The following ZCWPW2 variants were observed in gnomAD, a reference collection of about 807,000 sequenced individuals.
ZCWPW2 encodes the protein zinc finger CW-type PWWP domain protein 2.
ZCWPW2 carries 45 observed loss-of-function variants against 46.6 expected under a neutral mutation model. That is an observed-to-expected ratio of 0.96 (90% confidence interval 0.76 to 1.24). The LOEUF (loss-of-function observed/expected upper bound fraction) is 1.24. Among genes scored for constraint, ZCWPW2 ranks in the 50% most tolerant of loss-of-function variants. ZCWPW2 has a pLI of 0.00. For missense variants in ZCWPW2, 429 were observed against 403.9 expected, an observed-to-expected ratio of 1.06 and a Z score of -0.53; for synonymous variants, 152 against 137.1, an observed-to-expected ratio of 1.11 and a Z score of -0.76.
intron 4 of ZCWPW2, among the ~76,000 whole-genome samples, chr3:28,443,685 C>T (rs1196075118): frequency 6.6e-6 from 1 of 152,208 alleles, no homozygotes; most frequent in South Asian, 2.1e-4. Context: ...GCCTCTGCCA[C>T]CTTGGGATCC....
chr3:28,404,270 C>T (rs756555576), intron 2 of ZCWPW2, among the ~76,000 whole-genome samples: 9 of 151,444 alleles, frequency 5.9e-5, no homozygotes, highest in East Asian at 5.8e-4. Flanking sequence ...AACAAACATA[C>T]GAAAAAATGC....
At chr3:28,474,586 C>CGTGTGT (rs71087699) in intron 4 of ZCWPW2, among the ~76,000 whole-genome samples, 9,313 of 135,996 alleles carry the variant, frequency 0.068, 331 homozygotes, top group African/African-American at 0.082. Flanking sequence ...TTAAATACAG[C>CGTGTGT]GTGTGTGTGT....
At chr3:28,506,353 C>T (rs949125286) in intron 6 of ZCWPW2, among the ~76,000 whole-genome samples, 2 of 151,900 alleles carry the variant, frequency 1.3e-5, no homozygotes, top group Non-Finnish European at 2.9e-5. Flanking sequence ...CCCAGAGTAT[C>T]TGATTCAGTA....
At chr3:28,424,236 C>T (rs974859604) in intron 3 of ZCWPW2, among the ~76,000 whole-genome samples, 1 of 148,620 alleles carries the variant, frequency 6.7e-6, no homozygotes, top group Non-Finnish European at 1.5e-5. Flanking sequence ...CCAACACACA[C>T]ACACACACAC....
intron 2 of ZCWPW2, among the ~76,000 whole-genome samples, chr3:28,411,047 C>A (rs1446190293): frequency 6.6e-6 from 1 of 151,650 alleles, no homozygotes; most frequent in Non-Finnish European, 1.5e-5. Flanking sequence ...ATTTTATAAT[C>A]TTGATATGAA....
At chr3:28,482,987 C>T (rs566514098) in intron 5 of ZCWPW2, among the ~76,000 whole-genome samples, 32 of 152,272 alleles carry the variant, frequency 2.1e-4, no homozygotes, top group Non-Finnish European at 2.9e-4. Flanking sequence ...GCAGAGCAGA[C>T]ATTTTAAATT....
chr3:28,519,354 A>C (rs1291951541), intron 8 of ZCWPW2, among the ~76,000 whole-genome samples: 1 of 152,222 alleles, frequency 6.6e-6, no homozygotes, highest in Non-Finnish European at 1.5e-5. Context: ...GTAGGTAAAC[A>C]GTAAATATTT....
rs966868164 is a variant in ZCWPW2, at chr3:28,348,974, T to G, written c.-363T>G. ...AAAGTGATTGGAAGTGTGGATGAGC[T>G]CTCAGCCGGAAAAGGGGCTGCCGCT... is the stretch of plus-strand genomic sequence containing the variant. On this transcript the variant is annotated 5_prime_UTR_variant, in exon 1 of 10. Transcript: ENST00000383768. 4.1e-6 allele frequency: 4 copies of G among 985,446 alleles called. No individual in the cohort carries two copies. The Admixed American group carries it at 1.8e-4, about 45-fold the overall frequency. 61.0% of individuals were successfully genotyped at this position (985,446 alleles called of 1,614,324 possible). A position where few individuals can be genotyped will look rare whatever the true frequency, so the allele number is the denominator to read the frequency against.
intron 3 of ZCWPW2, among the ~76,000 whole-genome samples, chr3:28,431,363 C>G (rs908002583): frequency 6.6e-6 from 1 of 152,040 alleles, no homozygotes; most frequent in Non-Finnish European, 1.5e-5. Context: ...GTTCTGGAGG[C>G]TAGAAATCCT....
intron 6 of ZCWPW2, among the ~76,000 whole-genome samples, chr3:28,495,370 A>C (rs150350748): frequency 6.6e-6 from 1 of 152,102 alleles, no homozygotes; most frequent in Admixed American, 6.6e-5. Context: ...CAGTATTGTT[A>C]ATGTGGATAG....
At position 28,432,560 on chromosome 3, in the gene ZCWPW2, C is replaced by T. The variant is rs147791640; in HGVS notation, c.333-2550C>T. ...TTCCCTTCCTGCTTTATTCTCTGAA[C>T]AGTAGGTCAGAGTGTAGAATGATTG... is the stretch of plus-strand genomic sequence containing the variant. On this transcript the variant is annotated intron_variant, in intron 3 of 9. Coordinates refer to ENST00000383768, the MANE Select transcript of ZCWPW2 (RefSeq NM_001040432.4). Among the ~76,000 whole-genome samples the T allele has an allele frequency of 8.2e-3, 1,246 of 152,212 alleles. 8 individuals carry two copies. Among genetic ancestry groups the T allele is most frequent in the Non-Finnish European group, 0.012 (785 of 68,006 alleles).
At position 28,478,812 on chromosome 3, in the gene ZCWPW2, A is replaced by G; in HGVS notation, c.493-2A>G. 2.0e-6 allele frequency: 3 copies of G among 1,498,758 alleles called. No individual in the cohort carries two copies. The highest frequency in any genetic ancestry group is 1.9e-4 in the Middle Eastern group (1 of 5,262). 92.8% of individuals were successfully genotyped at this position (1,498,758 alleles called of 1,614,324 possible). A position where few individuals can be genotyped will look rare whatever the true frequency, so the allele number is the denominator to read the frequency against. On this transcript the variant is annotated splice_acceptor_variant, in intron 4 of 9. Transcript: ENST00000383768. LOFTEE classifies it high-confidence loss of function. ...TTTTTTCTTTTTTCTGTATTTATAT[A>G]GCCAGAAAAGTGTAAGAATAAAAAG...
At chr3:28,432,130 T>A (rs898706531) in intron 3 of ZCWPW2, among the ~76,000 whole-genome samples, 2 of 152,124 alleles carry the variant, frequency 1.3e-5, no homozygotes, top group African/African-American at 4.8e-5. Flanking sequence ...CAATTCAAGA[T>A]GAGATTTGGG....
chr3:28,523,187 A>C (rs1446677374), intron 9 of ZCWPW2, among the ~76,000 whole-genome samples: 1 of 152,154 alleles, frequency 6.6e-6, no homozygotes, highest in East Asian at 1.9e-4. Flanking sequence ...AAAAATTAGC[A>C]ATTTTAACTG....
intron 2 of ZCWPW2, chr3:28,398,008 A>C (rs146947395): frequency 1.4e-3 from 209 of 152,310 alleles, no homozygotes; most frequent in African/African-American, 4.8e-3. Flanking sequence ...TTTTCTCTGC[A>C]TCTCTTCCAA....
intron 4 of ZCWPW2, among the ~76,000 whole-genome samples, chr3:28,474,156 G>A (rs1307351076): frequency 6.6e-6 from 1 of 151,996 alleles, no homozygotes; most frequent in Non-Finnish European, 1.5e-5. Context: ...CACCTACTAT[G>A]TACCTACAAA....
At chr3:28,515,771 A>T (rs1700549619) in intron 8 of ZCWPW2, 150 bp downstream of exon 8, 1 of 573,536 alleles carries the variant, frequency 1.7e-6, no homozygotes, top group African/African-American at 1.9e-5. Flanking sequence ...ATGTGCGTAC[A>T]TATGTATACA....
At chr3:28,478,712 A>G (rs531005014) in intron 4 of ZCWPW2, 102 bp from the exon 5 acceptor site, 91 of 513,278 alleles carry the variant, frequency 1.8e-4, no homozygotes, top group Non-Finnish European at 2.7e-4. Flanking sequence ...AATACGTTAT[A>G]CAATGCTCCA....
At chr3:28,349,841 A>G (rs936958539) in intron 1 of ZCWPW2, among the ~76,000 whole-genome samples, 1 of 152,208 alleles carries the variant, frequency 6.6e-6, no homozygotes, top group African/African-American at 2.4e-5. Flanking sequence ...TGTCCGCTTA[A>G]CTATCAGCCC....
Sources: allele counts gnomAD v4.1 joint callset (sites outside exome capture counted in the v4.1 genomes callset), GRCh38; gene constraint gnomAD v4.1.1; transcripts MANE v1.5; gene names NCBI Gene and HGNC (gene_info 2026-07-23, HGNC 2026-07-21).